The following EML1 variants were observed in gnomAD, a reference collection of about 807,000 sequenced individuals.
EML1 encodes the protein EMAP like 1.
EML1 carries 27 observed loss-of-function variants against 110.4 expected under a neutral mutation model. The observed-to-expected ratio is 0.24, with a 90% confidence interval of 0.18 to 0.34. EML1 has a LOEUF of 0.34. Among genes scored for constraint, EML1 ranks in the 10% least tolerant of loss-of-function variants. The probability of loss-of-function intolerance (pLI) is 1.00; values close to 1 mark genes in which losing one functional copy is unlikely to be tolerated. For synonymous variants in EML1, 344 were observed against 385.8 expected, an observed-to-expected ratio of 0.89 and a Z score of 1.27; for missense variants, 741 against 1,030.9, an observed-to-expected ratio of 0.72 and a Z score of 3.85.
At chr14:99,806,173 C>T (rs1054645808) in intron 1 of EML1, among the ~76,000 whole-genome samples, 1 of 152,102 alleles carries the variant, frequency 6.6e-6, no homozygotes, top group African/African-American at 2.4e-5. Flanking sequence ...AGGTTCAAAG[C>T]CCTGGGCAAG....
intron 1 of EML1, among the ~76,000 whole-genome samples, chr14:99,757,540 CT>C (rs1432400659): frequency 6.6e-6 from 1 of 152,204 alleles, no homozygotes; most frequent in Non-Finnish European, 1.5e-5. Flanking sequence ...CACAGCAAGG[CT>C]TCAACCTAAC....
At chr14:99,887,789 A>G (rs1191106) in intron 4 of EML1, among the ~76,000 whole-genome samples, 1 of 152,032 alleles carries the variant, frequency 6.6e-6, no homozygotes, top group African/African-American at 2.4e-5. Context: ...CTTTCTGCAT[A>G]CAGCTCCCGT....
At chr14:99,904,002 C>T (rs1033038288) in intron 9 of EML1, among the ~76,000 whole-genome samples, 6 of 152,018 alleles carry the variant, frequency 3.9e-5, no homozygotes, top group Admixed American at 6.5e-5. Flanking sequence ...ATGCTGATCT[C>T]GAACTCCTGA....
intron 3 of EML1, among the ~76,000 whole-genome samples, chr14:99,878,264 A>G (rs2059327144): frequency 1.3e-5 from 2 of 152,082 alleles, no homozygotes; most frequent in African/African-American, 4.8e-5. Context: ...CAGTTTCTCC[A>G]TGACTGTGAA....
At position 99,850,036 on chromosome 14, in the gene EML1, TGCCCCACCTCA is replaced by T. The variant is rs912928927; in HGVS notation, c.68-813_68-803del. On this transcript the variant is annotated intron_variant, in intron 1 of 21. Coordinates refer to ENST00000262233, the MANE Select transcript of EML1 (RefSeq NM_004434.3). ...CTTGACCTCTCGGGCCCCAAGAAAC[TGCCCCACCTCA>T]GCCTCCTGAGTAGCTGGTACTACAG... 2.8e-5 allele frequency: 9 copies of T among 317,930 alleles called. No homozygotes were observed. The Admixed American group carries it at 3.7e-4, about 13-fold the overall frequency. 19.7% of individuals were successfully genotyped at this position (317,930 alleles called of 1,614,324 possible).
intron 2 of EML1, among the ~76,000 whole-genome samples, chr14:99,863,545 A>G (rs1469353949): frequency 1.3e-5 from 2 of 152,180 alleles, no homozygotes; most frequent in Non-Finnish European, 2.9e-5. Flanking sequence ...GACAGCCACA[A>G]ATCGATTTTC....
chr14:99,880,977 A>G (rs950690618), intron 4 of EML1, among the ~76,000 whole-genome samples: 1 of 152,214 alleles, frequency 6.6e-6, no homozygotes, highest in African/African-American at 2.4e-5. Flanking sequence ...TATTTTCCTC[A>G]TTTGTAAGAT....
In EML1 at chr14:99,936,070, T is replaced by TA; in HGVS notation, c.1952dup (p.Tyr651Ter). 1 of 1,614,146 alleles carries TA rather than the reference T, an allele frequency of 6.2e-7. No homozygotes were observed. The change falls in exon 18 of 22, where the codon TAT becomes TAAT. Residue 651 changes from tyrosine (Y) to a stop codon, truncating the protein, a stop_gained and frameshift_variant. Coordinates refer to ENST00000262233, the MANE Select transcript of EML1 (RefSeq NM_004434.3). LOFTEE classifies it high-confidence loss of function. This position sits in a 1 kb window ranked among gnomAD's most constrained non-coding sequence, Gnocchi z 5.5. ...LAIGSHDNCIYIYGVSDNGRK... is the reference protein window; with the variant it reads ...LAIGSHDNCI ...CATAGGCTCACATGACAACTGCATC[T>TA]ATATATATGGCGTTAGTGACAACGG...
chr14:99,817,905 CTGG>C (rs1320611271), intron 1 of EML1, among the ~76,000 whole-genome samples: 5 of 152,038 alleles, frequency 3.3e-5, no homozygotes, highest in Admixed American at 6.6e-5. Flanking sequence ...GCTTGGTATT[CTGG>C]TGGTGGTGAT....
rs968687558 is a variant in EML1 at position 99,898,335 on chromosome 14, T to C, written c.897+33T>C. ...ACGTTACCTTTTCATTGTTTCATAA[T>C]GAACTGGTAACACAAAGTAATTTTT... On this transcript the variant is annotated intron_variant, in intron 8 of 21. Transcript: ENST00000262233. The C allele has an allele frequency of 1.7e-5, 27 of 1,593,606 alleles. No homozygotes were observed. In the African/African-American group the frequency reaches 3.4e-4, roughly 20 times the overall value.
At chr14:99,796,186 CAG>C (rs57818494) in intron 1 of EML1, among the ~76,000 whole-genome samples, 9,029 of 118,924 alleles carry the variant, frequency 0.076, 359 homozygotes, top group Non-Finnish European at 0.11. Context: ...GACCCTGTCT[CAG>C]AGAGAGAGAG....
chr14:99,746,639 C>G (rs375700006), intron 1 of EML1, among the ~76,000 whole-genome samples: 1 of 152,110 alleles, frequency 6.6e-6, no homozygotes, highest in East Asian at 1.9e-4. Flanking sequence ...ACAGCCAAAG[C>G]CTGGTGCCCC....
At chr14:99,899,810 A>G (rs1241268542) in intron 8 of EML1, among the ~76,000 whole-genome samples, 1 of 152,004 alleles carries the variant, frequency 6.6e-6, no homozygotes, top group Non-Finnish European at 1.5e-5. Flanking sequence ...AGTATATTTC[A>G]GTTTCTGGCA....
At chr14:99,751,785 C>T (rs1372953081) in intron 1 of EML1, among the ~76,000 whole-genome samples, 1 of 152,054 alleles carries the variant, frequency 6.6e-6, no homozygotes, top group Admixed American at 6.6e-5. Flanking sequence ...CAGAGTGAAC[C>T]CCAGAACCGG....
At chr14:99,853,756 G>A (rs1566899610) in intron 2 of EML1, among the ~76,000 whole-genome samples, 2 of 152,066 alleles carry the variant, frequency 1.3e-5, no homozygotes, top group Non-Finnish European at 2.9e-5. Flanking sequence ...TGCAACCTCC[G>A]CCTCCCGGGT....
At chr14:99,924,864 ATTT>A in intron 17 of EML1, among the ~76,000 whole-genome samples, 1 of 152,116 alleles carries the variant, frequency 6.6e-6, no homozygotes, top group Non-Finnish European at 1.5e-5. Flanking sequence ...CCTTCATCTT[ATTT>A]TATTAATATC....
At chr14:99,897,423 G>A (rs1193140671) in intron 7 of EML1, 129 bp downstream of exon 7, 5 of 968,558 alleles carry the variant, frequency 5.2e-6, no homozygotes, top group Non-Finnish European at 5.7e-6. Context: ...ATAAATAAAT[G>A]TGATTCCTGT....
At chr14:99,932,645 T>TCAAAA (rs2060392260) in intron 17 of EML1, among the ~76,000 whole-genome samples, 1 of 53,972 alleles carries the variant, frequency 1.9e-5, no homozygotes, top group Non-Finnish European at 3.3e-5. Flanking sequence ...AGACTCCATC[T>TCAAAA]TAAAAAAAAA....
intron 1 of EML1, among the ~76,000 whole-genome samples, chr14:99,796,014 C>A (rs906780732): frequency 2.0e-5 from 3 of 152,002 alleles, no homozygotes; most frequent in African/African-American, 7.3e-5. Flanking sequence ...AGCAAGACCC[C>A]CCTCTACAAA....
Sources: gnomAD v4.1 joint callset for allele counts (sites outside exome capture counted in the v4.1 genomes callset) on GRCh38, gnomAD v4.1.1 for gene constraint, Gnocchi (gnomAD v3.1) non-coding constraint, MANE v1.5 for transcripts, NCBI Gene and HGNC (gene_info 2026-07-23, HGNC 2026-07-21) for gene names.